Variants in TM4SF5 observed in about 807,000 individuals in gnomAD.
The protein encoded by TM4SF5 is transmembrane 4 L6 family member 5.
Under a neutral mutation model 22.3 loss-of-function variants are expected in TM4SF5, and 16 were observed. The ratio of observed to expected loss-of-function variants is 0.72; its 90% CI spans 0.49 to 1.09. The LOEUF is 1.09. Ranked by LOEUF, TM4SF5 falls within the 50% of genes least tolerant of loss-of-function variation. The probability of loss-of-function intolerance (pLI) is 0.00; values close to 1 mark genes in which losing one functional copy is unlikely to be tolerated. For synonymous variants in TM4SF5, 113 were observed against 109.6 expected (o/e 1.03, Z -0.19); for missense variants, 249 against 266.1 (o/e 0.94, Z 0.45).
intron 1 of TM4SF5, among the ~76,000 whole-genome samples, chr17:4,777,904 G>C (rs1209934520): frequency 2.0e-5 from 3 of 151,952 alleles, no homozygotes; most frequent in Non-Finnish European, 2.9e-5. Flanking sequence ...AAAATTAGCT[G>C]AGTGTGGTGG....
chr17:4,773,464 A>G (rs1408745528), intron 1 of TM4SF5, among the ~76,000 whole-genome samples: 1 of 152,104 alleles, frequency 6.6e-6, no homozygotes. Flanking sequence ...TCTTCATGCG[A>G]TAAAGACAAA....
At chr17:4,780,692 G>A (rs867103842) in intron 1 of TM4SF5, 97 bp from the exon 2 acceptor site, 35 of 898,594 alleles carry the variant, frequency 3.9e-5, no homozygotes, top group African/African-American at 3.0e-4. Context: ...AGGGCTGAAG[G>A]CATCACAGGC....
chr17:4,776,521 T>C (rs1917208891), intron 1 of TM4SF5, among the ~76,000 whole-genome samples: 2 of 152,196 alleles, frequency 1.3e-5, no homozygotes, highest in South Asian at 4.2e-4. Flanking sequence ...AGGCTGGTTT[T>C]GAACTCCCAA....
At chr17:4,781,008 T>C in intron 2 of TM4SF5, 139 bp downstream of exon 2, 2 of 688,588 alleles carry the variant, frequency 2.9e-6, no homozygotes, top group Non-Finnish European at 2.4e-6. Flanking sequence ...GCAAGATCCC[T>C]ATCTCTACTA....
intron 1 of TM4SF5, among the ~76,000 whole-genome samples, chr17:4,775,773 C>T (rs1917193031): frequency 6.6e-6 from 1 of 152,102 alleles, no homozygotes; most frequent in African/African-American, 2.4e-5. Flanking sequence ...CACCAACAAG[C>T]GTAACCACTA....
At chr17:4,781,041 G>A (rs534380226) in intron 2 of TM4SF5, among the ~76,000 whole-genome samples, 172 bp downstream of exon 2, 9 of 151,624 alleles carry the variant, frequency 5.9e-5, no homozygotes, top group African/African-American at 1.2e-4. Context: ...TTAGCCGGGC[G>A]TGGTGGCAAG....
intron 1 of TM4SF5, 152 bp downstream of exon 1, chr17:4,772,251 C>T (rs1235120613): frequency 3.2e-6 from 3 of 951,262 alleles, no homozygotes; most frequent in Non-Finnish European, 4.6e-6. Context: ...GGAGTCAGTC[C>T]TGGAGGAGCC....
At chr17:4,776,205 G>A (rs1917202565) in intron 1 of TM4SF5, among the ~76,000 whole-genome samples, 1 of 152,084 alleles carries the variant, frequency 6.6e-6, no homozygotes, top group Non-Finnish European at 1.5e-5. Context: ...ATATTATCAG[G>A]TGTAGCTGTA....
chr17:4,776,642 GT>G (rs898387250), intron 1 of TM4SF5, among the ~76,000 whole-genome samples: 1 of 152,098 alleles, frequency 6.6e-6, no homozygotes, highest in African/African-American at 2.4e-5. Flanking sequence ...TCCCAGTTTG[GT>G]TTTTTTGCAA....
At chr17:4,782,091 A>ATTTTTT (rs376659055) in intron 2 of TM4SF5, among the ~76,000 whole-genome samples, 1 of 141,896 alleles carries the variant, frequency 7.0e-6, no homozygotes, top group Non-Finnish European at 1.5e-5. Context: ...CGAATTTCTA[A>ATTTTTT]TTTTTTTTTT....
At position 4,782,647 on chromosome 17, in the gene TM4SF5, T is replaced by A. The variant is rs372281786; in HGVS notation, c.395+8T>A. ...CCACTTCGAAGACACCGCGTAAGGT[T>A]TAGCCTGTATTCGTGTCCTCCATTC... On this transcript the variant is annotated splice_region_variant and intron_variant, in intron 3 of 4. Transcript: ENST00000270560. 5 of 1,613,888 alleles carry A rather than the reference T, an allele frequency of 3.1e-6. No homozygotes were observed. The African/African-American group carries it at 5.3e-5, about 17-fold the overall frequency.
At chr17:4,780,573 C>T (rs1917283928) in intron 1 of TM4SF5, among the ~76,000 whole-genome samples, 3 of 152,120 alleles carry the variant, frequency 2.0e-5, no homozygotes, top group Non-Finnish European at 4.4e-5. Flanking sequence ...GCCCTACCCT[C>T]TAGAGGCCAC....
chr17:4,780,736 C>A, intron 1 of TM4SF5, 53 bp from the exon 2 acceptor site: 2 of 1,492,248 alleles, frequency 1.3e-6, no homozygotes, highest in South Asian at 2.4e-5. Context: ...TGATGCAAGT[C>A]AGGCCTGGAG....
At chr17:4,781,135 TAAAAAAAAAAAAA>T (rs541886050) in intron 2 of TM4SF5, among the ~76,000 whole-genome samples, 59,106 of 125,620 alleles carry the variant, frequency 0.47, 13,488 homozygotes, top group Non-Finnish European at 0.56. Flanking sequence ...AGCAGTGATT[TAAAAAAAAAAAAA>T]AAAAAAAAAA....
chr17:4,781,637 C>T (rs1305392725), intron 2 of TM4SF5, among the ~76,000 whole-genome samples: 1 of 151,784 alleles, frequency 6.6e-6, no homozygotes, highest in East Asian at 1.9e-4. Context: ...TTCTTCCAGC[C>T]TCCCAAGTAG....
chr17:4,773,452 T>C (rs1404648828), intron 1 of TM4SF5, among the ~76,000 whole-genome samples: 5 of 152,178 alleles, frequency 3.3e-5, no homozygotes, highest in African/African-American at 7.2e-5. Context: ...CCTCGTTTAA[T>C]ATCTTCATGC....
In TM4SF5 at chr17:4,783,137, T is replaced by C; in HGVS notation, c.*9T>C. 2 of 1,613,566 alleles carry C rather than the reference T, an allele frequency of 1.2e-6. No individual in the cohort carries two copies. Among genetic ancestry groups the C allele is most frequent in the Non-Finnish European group, 1.7e-6 (2 of 1,179,816 alleles). On this transcript the variant is annotated 3_prime_UTR_variant, in exon 5 of 5. Transcript: ENST00000270560. ...AGGACACACCTCACTGAGGCTCCAC[T>C]GACCGCCGGGTTACACCTGCTCCTT...
chr17:4,781,233 G>T (rs1335141859), intron 2 of TM4SF5, among the ~76,000 whole-genome samples: 1 of 151,980 alleles, frequency 6.6e-6, no homozygotes, highest in Non-Finnish European at 1.5e-5. Context: ...AGGAGGCTGA[G>T]GCAGGAAAAT....
intron 1 of TM4SF5, among the ~76,000 whole-genome samples, chr17:4,777,405 T>C (rs1917226927): frequency 6.6e-6 from 1 of 152,054 alleles, no homozygotes; most frequent in Non-Finnish European, 1.5e-5. Context: ...GAGAAGCACA[T>C]ACTACAAAGG....
Sources: allele counts gnomAD v4.1 joint callset (sites outside exome capture counted in the v4.1 genomes callset), GRCh38; gene constraint gnomAD v4.1.1; transcripts MANE v1.5; gene names NCBI Gene and HGNC (gene_info 2026-07-23, HGNC 2026-07-21).